Variants in WWP2 observed in about 807,000 individuals in gnomAD.
WWP2 encodes NEDD4-like E3 ubiquitin-protein ligase WWP2.
WWP2 carries 57 observed loss-of-function variants against 121.0 expected under a neutral mutation model. The ratio of observed to expected loss-of-function variants is 0.47; its 90% confidence interval spans 0.38 to 0.59. The LOEUF (loss-of-function observed/expected upper bound fraction) is 0.59, where lower values mean the gene tolerates loss of function less well. Ranked by LOEUF, WWP2 falls within the 20% of genes least tolerant of loss-of-function variation. WWP2 has a pLI of 0.00. For missense variants in WWP2, 962 were observed against 1,158.9 expected, an observed-to-expected ratio of 0.83 and a Z score of 2.47; for synonymous variants, 449 against 441.3, an observed-to-expected ratio of 1.02 and a Z score of -0.22.
intron 4 of WWP2, among the ~76,000 whole-genome samples, chr16:69,808,923 A>G (rs539968359): frequency 6.6e-6 from 1 of 152,344 alleles, no homozygotes; most frequent in South Asian, 2.1e-4. Flanking sequence ...GGGTGGATGT[A>G]TGCTTACCTT....
At chr16:69,837,871 G>T (rs1391838965) in intron 4 of WWP2, among the ~76,000 whole-genome samples, 2 of 152,062 alleles carry the variant, frequency 1.3e-5, no homozygotes, top group Non-Finnish European at 2.9e-5. Flanking sequence ...AAGATTCTGT[G>T]GTCACAGCCC....
At chr16:69,886,043 T>C (rs2057918296) in intron 7 of WWP2, among the ~76,000 whole-genome samples, 1 of 152,194 alleles carries the variant, frequency 6.6e-6, no homozygotes, top group South Asian at 2.1e-4. Flanking sequence ...GGTAGGCCTC[T>C]TTACTAGAAG....
intron 8 of WWP2, 137 bp from the exon 9 acceptor site, chr16:69,908,624 G>A (rs118165329): frequency 0.026 from 38,724 of 1,490,010 alleles, 625 homozygotes; most frequent in South Asian, 0.038. Flanking sequence ...AACTGGCTTC[G>A]CCATTGGGTC....
In WWP2 at chr16:69,904,009, C is replaced by T. The variant is rs1002584799; in HGVS notation, c.915-4752C>T. Among the ~76,000 whole-genome samples the T allele has an allele frequency of 3.9e-5, 6 of 152,316 alleles. No homozygotes were observed. In the South Asian group the frequency reaches 1.2e-3, roughly 32 times the overall value. ...TTCTTCGGGAGTGCTGGAGAGTTCT[C>T]AGCTACTTAAATTGCATTAGGAGCA... On this transcript the variant is annotated intron_variant, in intron 8 of 23. Transcript: ENST00000359154.
At chr16:69,927,594 A>G (rs2058657618) in intron 11 of WWP2, among the ~76,000 whole-genome samples, 1 of 152,258 alleles carries the variant, frequency 6.6e-6, no homozygotes, top group African/African-American at 2.4e-5. Flanking sequence ...ATGACGACAC[A>G]GGCCTCAAGC....
At chr16:69,788,399 G>T (rs1298415998) in intron 2 of WWP2, among the ~76,000 whole-genome samples, 1 of 152,098 alleles carries the variant, frequency 6.6e-6, no homozygotes, top group Non-Finnish European at 1.5e-5. Flanking sequence ...CACAGTAGAA[G>T]CCGAAGCTCC....
intron 2 of WWP2, among the ~76,000 whole-genome samples, chr16:69,788,459 G>T (rs2055839088): frequency 6.6e-6 from 1 of 152,140 alleles, no homozygotes; most frequent in Non-Finnish European, 1.5e-5. Flanking sequence ...CCTGTTCCTG[G>T]TCTACATTCT....
intron 8 of WWP2, among the ~76,000 whole-genome samples, chr16:69,902,833 C>T (rs1004004483): frequency 6.6e-6 from 1 of 151,962 alleles, no homozygotes; most frequent in Non-Finnish European, 1.5e-5. Context: ...TCAGGAGGCT[C>T]GTCTGGTTGG....
intron 13 of WWP2, 64 bp from the exon 14 acceptor site, chr16:69,931,088 C>A: frequency 6.5e-7 from 1 of 1,547,934 alleles, no homozygotes; most frequent in Non-Finnish European, 8.9e-7. Flanking sequence ...TTAGGGCTGA[C>A]AAAGACAAAT....
At chr16:69,862,384 A>G (rs2057438049) in intron 6 of WWP2, among the ~76,000 whole-genome samples, 1 of 143,916 alleles carries the variant, frequency 6.9e-6, no homozygotes, top group South Asian at 2.2e-4. Flanking sequence ...TTTTTTTGAG[A>G]TGGAGTCTCG....
chr16:69,764,635 TG>T (rs931234392), intron 1 of WWP2, among the ~76,000 whole-genome samples: 5 of 152,332 alleles, frequency 3.3e-5, no homozygotes, highest in Admixed American at 3.3e-4. Flanking sequence ...TTCCTCTTCC[TG>T]GGAAAACATT....
At chr16:69,904,621 T>A (rs1027174171) in intron 8 of WWP2, among the ~76,000 whole-genome samples, 1 of 152,202 alleles carries the variant, frequency 6.6e-6, no homozygotes, top group African/African-American at 2.4e-5. Context: ...TCCTCCTGCC[T>A]TAGCCTCCCA....
chr16:69,898,601 G>T (rs1427415230), intron 8 of WWP2, among the ~76,000 whole-genome samples: 1 of 151,938 alleles, frequency 6.6e-6, no homozygotes, highest in East Asian at 1.9e-4. Context: ...TCTTTATTAG[G>T]TTCTTTGGTT....
chr16:69,884,815 A>G (rs749190953), intron 7 of WWP2, among the ~76,000 whole-genome samples: 4 of 152,232 alleles, frequency 2.6e-5, no homozygotes, highest in Admixed American at 2.0e-4. Flanking sequence ...TTTTCTTTAC[A>G]AACTGAACCT....
chr16:69,919,648 AG>A (rs1357689748), intron 10 of WWP2, among the ~76,000 whole-genome samples: 1 of 152,212 alleles, frequency 6.6e-6, no homozygotes, highest in Non-Finnish European at 1.5e-5. Context: ...CCTCTTTGGT[AG>A]GGAGACGTGG....
chr16:69,817,997 T>C (rs567358549), intron 4 of WWP2, among the ~76,000 whole-genome samples: 64 of 152,188 alleles, frequency 4.2e-4, no homozygotes, highest in African/African-American at 1.5e-3. Context: ...GTTTCAAGTT[T>C]TTGATGCCTG....
At chr16:69,891,221 A>G (rs2058020971) in intron 8 of WWP2, among the ~76,000 whole-genome samples, 1 of 152,182 alleles carries the variant, frequency 6.6e-6, no homozygotes, top group Non-Finnish European at 1.5e-5. Flanking sequence ...TAGGCCTGCC[A>G]GCCCCACCCC....
Position 69,909,593 on chromosome 16 carries a change from G to A in WWP2, c.1004+743G>A, listed in dbSNP as rs76507959. Reference sequence around the variant, plus strand: ...GAATGCTTGAGTTTTCCTTTTTTCCGTACCTCCTGGAGGATGAAACTCATA... The same window carrying A: ...GAATGCTTGAGTTTTCCTTTTTTCCATACCTCCTGGAGGATGAAACTCATA... On this transcript the variant is annotated intron_variant, in intron 9 of 23. Coordinates refer to ENST00000359154, the MANE Select transcript of WWP2 (RefSeq NM_001270454.2). The A allele has an allele frequency of 1.4e-3, 1,400 of 985,188 alleles. 16 individuals carry two copies. In the African/African-American group the frequency reaches 0.02, roughly 14 times the overall value. 61.0% of individuals were successfully genotyped at this position (985,188 alleles called of 1,614,324 possible).
intron 10 of WWP2, among the ~76,000 whole-genome samples, chr16:69,922,119 G>A (rs1312194361): frequency 6.6e-6 from 1 of 150,404 alleles, no homozygotes; most frequent in Non-Finnish European, 1.5e-5. Context: ...ATTATTTTGT[G>A]GCTCTTAGGG....
Sources: gnomAD v4.1 joint callset for allele counts (sites outside exome capture counted in the v4.1 genomes callset) on GRCh38, gnomAD v4.1.1 for gene constraint, MANE v1.5 for transcripts, NCBI Gene and HGNC (gene_info 2026-07-23, HGNC 2026-07-21) for gene names.